The following TMEM161B variants were observed in gnomAD, a reference collection of about 807,000 sequenced individuals.
The protein encoded by TMEM161B is transmembrane protein 161B.
TMEM161B carries 34 observed loss-of-function variants against 61.8 expected under a neutral mutation model. The observed-to-expected ratio is 0.55, with a 90% CI of 0.42 to 0.73. TMEM161B has a LOEUF of 0.73. Ranked by LOEUF, TMEM161B falls within the 30% of genes least tolerant of loss-of-function variation. TMEM161B has a pLI of 0.00. For synonymous variants in TMEM161B, 167 were observed against 192.8 expected (o/e 0.87, Z 1.11); for missense variants, 456 against 558.5 (o/e 0.82, Z 1.85).
chr5:88,221,851 T>C (rs1378680166), intron 4 of TMEM161B: 3 of 420,918 alleles, frequency 7.1e-6, no homozygotes, highest in Non-Finnish European at 1.4e-5. Flanking sequence ...TTTGGACAAT[T>C]TTTAGTCATG....
At chr5:88,244,917 T>C (rs1203361155) in intron 1 of TMEM161B, among the ~76,000 whole-genome samples, 5 of 151,848 alleles carry the variant, frequency 3.3e-5, no homozygotes, top group East Asian at 1.9e-4. Flanking sequence ...GTGAGTCAGA[T>C]TGCATTCGTG....
intron 1 of TMEM161B, among the ~76,000 whole-genome samples, chr5:88,242,341 G>A (rs1752880960): frequency 6.8e-6 from 1 of 147,910 alleles, no homozygotes; most frequent in South Asian, 2.2e-4. Context: ...ATCCTACATG[G>A]TACACCATAT....
At chr5:88,243,038 C>T (rs1055968095) in intron 1 of TMEM161B, among the ~76,000 whole-genome samples, 5 of 151,488 alleles carry the variant, frequency 3.3e-5, no homozygotes, top group Admixed American at 6.6e-5. Context: ...ACAGACAGTT[C>T]TCAAAAAAGA....
chr5:88,216,709 T>C (rs1747921848), intron 5 of TMEM161B, among the ~76,000 whole-genome samples: 1 of 152,208 alleles, frequency 6.6e-6, no homozygotes, highest in African/African-American at 2.4e-5. Context: ...GGTATCCACT[T>C]AACAGGTTTA....
At chr5:88,266,192 T>C (rs753040288) in intron 1 of TMEM161B, among the ~76,000 whole-genome samples, 1 of 152,188 alleles carries the variant, frequency 6.6e-6, no homozygotes, top group South Asian at 2.1e-4. Context: ...GTATACATAA[T>C]GTATGAGAGA....
chr5:88,264,733 T>C (rs1166970489), intron 1 of TMEM161B, among the ~76,000 whole-genome samples: 1 of 152,138 alleles, frequency 6.6e-6, no homozygotes. Context: ...GTGGCACATA[T>C]ACACCATGGA....
intron 9 of TMEM161B, 61 bp from the exon 10 acceptor site, chr5:88,199,211 A>G: frequency 6.7e-7 from 1 of 1,490,538 alleles, no homozygotes; most frequent in East Asian, 2.4e-5. Context: ...CATGCTCGTT[A>G]TATGTTAATG....
intron 8 of TMEM161B, among the ~76,000 whole-genome samples, chr5:88,204,418 C>A (rs973913067): frequency 2.0e-5 from 3 of 152,176 alleles, no homozygotes; most frequent in African/African-American, 7.2e-5. Context: ...CCAACCACCA[C>A]CAAATGCTTT....
At chr5:88,187,847 T>A (rs1188186887), downstream of TMEM161B, among the ~76,000 whole-genome samples, 1 of 152,174 alleles carries the variant, frequency 6.6e-6, no homozygotes, top group Non-Finnish European at 1.5e-5. Context: ...CTACTTTCCT[T>A]AGGTTTGATG....
At chr5:88,249,741 T>G (rs1754082325) in intron 1 of TMEM161B, among the ~76,000 whole-genome samples, 1 of 152,136 alleles carries the variant, frequency 6.6e-6, no homozygotes, top group African/African-American at 2.4e-5. Flanking sequence ...ACTGAAGGAC[T>G]GGATACACTG....
chr5:88,196,162 TA>T lies in TMEM161B; in HGVS notation c.*48del. Reference sequence around the variant, plus strand: ...TTCATCAGCCCTTTAAGGGCACAGATATTTTAATTTAAAGGGTGATTTGGAT... The same window carrying T: ...TTCATCAGCCCTTTAAGGGCACAGATTTTTAATTTAAAGGGTGATTTGGAT... On this transcript the variant is annotated 3_prime_UTR_variant, in exon 12 of 12. Coordinates refer to ENST00000296595, the MANE Select transcript of TMEM161B (RefSeq NM_153354.5). The T allele has an allele frequency of 6.5e-7, 1 of 1,545,822 alleles. No individual in the cohort carries two copies.
intron 2 of TMEM161B, among the ~76,000 whole-genome samples, chr5:88,236,899 C>T (rs772678120): frequency 6.6e-5 from 10 of 152,014 alleles, no homozygotes; most frequent in Non-Finnish European, 1.2e-4. Context: ...TAAATTACTC[C>T]GTAAACTGCC....
chr5:88,209,008 A>T (rs2112440236), intron 5 of TMEM161B, among the ~76,000 whole-genome samples: 1 of 152,318 alleles, frequency 6.6e-6, no homozygotes, highest in South Asian at 2.1e-4. Context: ...CATGAAAAAA[A>T]TTTTGACTGC....
chr5:88,208,042 A>C (rs947971162), intron 5 of TMEM161B, among the ~76,000 whole-genome samples: 18 of 152,148 alleles, frequency 1.2e-4, no homozygotes, highest in Admixed American at 1.1e-3. Context: ...TTAAACAAAC[A>C]AACAAACAAA....
At chr5:88,202,589 G>C in intron 9 of TMEM161B, 1 of 234,596 alleles carries the variant, frequency 4.3e-6, no homozygotes, top group Non-Finnish European at 8.3e-6. Flanking sequence ...TAGGAGTTGA[G>C]TATATGAGTT....
chr5:88,215,608 G>C (rs1241309583), intron 5 of TMEM161B, among the ~76,000 whole-genome samples: 1 of 152,126 alleles, frequency 6.6e-6, no homozygotes, highest in Non-Finnish European at 1.5e-5. Context: ...AAGCTCTTCA[G>C]AACTTTCTGT....
chr5:88,189,328 T>C (rs2162714), downstream of TMEM161B, among the ~76,000 whole-genome samples: 127,320 of 152,094 alleles, frequency 0.84, 53,464 homozygotes, highest in Non-Finnish European at 0.88. Context: ...ATGCTTCGGC[T>C]ATGCGTGGAC....
At chr5:88,264,251 A>C (rs1756059914) in intron 1 of TMEM161B, among the ~76,000 whole-genome samples, 1 of 152,216 alleles carries the variant, frequency 6.6e-6, no homozygotes, top group Admixed American at 6.5e-5. Context: ...GAAAAAAACA[A>C]CACCATCAAA....
At chr5:88,216,532 CATG>C (rs1268213790) in intron 5 of TMEM161B, among the ~76,000 whole-genome samples, 1 of 152,176 alleles carries the variant, frequency 6.6e-6, no homozygotes. Context: ...TCAGCTGACA[CATG>C]ATTAGTATTT....
Sources: allele counts gnomAD v4.1 joint callset (sites outside exome capture counted in the v4.1 genomes callset), GRCh38; gene constraint gnomAD v4.1.1; transcripts MANE v1.5; gene names NCBI Gene and HGNC (gene_info 2026-07-23, HGNC 2026-07-21).